ENDOV: variants seen among roughly 807,000 people sequenced by gnomAD.
ENDOV encodes endonuclease V.
A neutral mutation model predicts 39.4 loss-of-function variants in ENDOV; 37 were observed. That is an observed-to-expected ratio of 0.94 (90% CI 0.72 to 1.23). The LOEUF is 1.23. Ranked by LOEUF, ENDOV falls within the 50% of genes most tolerant of loss-of-function variation. The pLI is 0.00. For synonymous variants in ENDOV, 186 were observed against 163.4 expected (o/e 1.14, Z -1.05); for missense variants, 441 against 375.7 (o/e 1.17, Z -1.44).
chr17:80,419,464 G>T, intron 2 of ENDOV: 1 of 645,704 alleles, frequency 1.5e-6, no homozygotes, highest in Non-Finnish European at 2.9e-6. Context: ...CTGAGCGATG[G>T]CTGGTGTGTG....
chr17:80,433,284 G>C (rs560491397), intron 9 of ENDOV: 1 of 511,690 alleles, frequency 2.0e-6, no homozygotes, highest in East Asian at 5.5e-5. Flanking sequence ...ACCAGGTGAA[G>C]TGTGTAAGGG....
At chr17:80,421,350 G>C (rs963444008) in intron 2 of ENDOV, among the ~76,000 whole-genome samples, 1 of 151,262 alleles carries the variant, frequency 6.6e-6, no homozygotes, top group African/African-American at 2.4e-5. Flanking sequence ...GGTCCTGGGG[G>C]CTCCTCATAC....
intron 9 of ENDOV, chr17:80,430,359 A>AT: frequency 6.6e-7 from 1 of 1,524,474 alleles, no homozygotes; most frequent in South Asian, 1.2e-5. Context: ...CTCAGGATTC[A>AT]TTTTTTATTT....
At chr17:80,427,858 G>A (rs1443945687) in intron 7 of ENDOV, 1 of 1,267,890 alleles carries the variant, frequency 7.9e-7, no homozygotes, top group East Asian at 5.7e-5. Context: ...AAGGTGAGAG[G>A]TGCTGGCCCC....
chr17:80,436,221 C>G lies in ENDOV; in HGVS notation c.*78C>G. 1.9e-6 allele frequency: 3 copies of G among 1,555,980 alleles called. No homozygotes were observed. Among genetic ancestry groups the G allele is most frequent in the South Asian group, 2.5e-5 (2 of 81,030 alleles). On this transcript the variant is annotated 3_prime_UTR_variant, in exon 10 of 10. Coordinates refer to ENST00000518137, the MANE Select transcript of ENDOV (RefSeq NM_173627.5). ...TGAGAGCACACGTCCTCGTCTCGTT[C>G]CTGATCGAACGCGGTGGTGAGAGCA...
Position 80,436,433 on chromosome 17 carries a change from C to A in ENDOV, c.*290C>A. On this transcript the variant is annotated 3_prime_UTR_variant, in exon 10 of 10. Transcript: ENST00000518137. ...ATTTTCAAGGATGCTCTTCATCCAGCTGAAGACGGTCCCTTCTAGTCCTAA... is the reference window on the plus strand; with the variant it reads ...ATTTTCAAGGATGCTCTTCATCCAGATGAAGACGGTCCCTTCTAGTCCTAA... 4 of 1,250,660 alleles carry A rather than the reference C, an allele frequency of 3.2e-6. No individual in the cohort carries two copies. Among genetic ancestry groups the A allele is most frequent in the Non-Finnish European group, 4.2e-6 (4 of 948,814 alleles). The allele number at this position is 1,250,660 out of a possible 1,614,324, so 77.5% of individuals were successfully genotyped here.
rs746562980 is a variant in ENDOV, at chr17:80,436,213, G to C, written c.*70G>C. 2 of 1,560,890 alleles carry C rather than the reference G, an allele frequency of 1.3e-6. No homozygotes were observed. The highest frequency in any genetic ancestry group is 1.7e-6 in the Non-Finnish European group (2 of 1,155,532). ...CGCGGTGGTGAGAGCACACGTCCTC[G>C]TCTCGTTCCTGATCGAACGCGGTGG... is the stretch of plus-strand genomic sequence containing the variant. On this transcript the variant is annotated 3_prime_UTR_variant, in exon 10 of 10. Transcript: ENST00000518137.
intron 1 of ENDOV, 140 bp from the exon 2 acceptor site, chr17:80,415,510 G>A (rs2080986510): frequency 8.5e-7 from 1 of 1,182,344 alleles, no homozygotes; most frequent in Non-Finnish European, 1.2e-6. Context: ...AGGGACTGTG[G>A]CCTCGGCGGT....
intron 9 of ENDOV, 124 bp downstream of exon 9, chr17:80,429,955 C>G: frequency 6.4e-7 from 1 of 1,567,604 alleles, no homozygotes; most frequent in Non-Finnish European, 8.6e-7. Context: ...GACAAGAAGG[C>G]CACCGGCCAC....
intron 2 of ENDOV, chr17:80,419,269 G>A: frequency 6.2e-6 from 2 of 323,716 alleles, no homozygotes; most frequent in Non-Finnish European, 1.1e-5. Flanking sequence ...TTTAAAATAA[G>A]CTTTCCTGTG....
At chr17:80,427,762 G>A (rs571125430) in intron 7 of ENDOV, 1 of 1,289,312 alleles carries the variant, frequency 7.8e-7, no homozygotes, top group African/African-American at 1.5e-5. Flanking sequence ...GGGCCGTCTT[G>A]GTGGCCCCAT....
intron 5 of ENDOV, 38 bp from the exon 6 acceptor site, chr17:80,424,994 G>A: frequency 6.4e-7 from 1 of 1,565,910 alleles, no homozygotes; most frequent in Non-Finnish European, 8.8e-7. Flanking sequence ...ACCAAGAAGA[G>A]AGGGGTTTTT....
At chr17:80,415,962 G>T (rs1177307477) in intron 2 of ENDOV, 141 bp downstream of exon 2, 1 of 1,117,354 alleles carries the variant, frequency 8.9e-7, no homozygotes, top group Non-Finnish European at 1.2e-6. Flanking sequence ...AGTTGGCCGG[G>T]CGCGGTGGCT....
intron 2 of ENDOV, among the ~76,000 whole-genome samples, chr17:80,421,532 T>TG: frequency 2.6e-5 from 1 of 38,584 alleles, no homozygotes; most frequent in East Asian, 6.7e-4. Flanking sequence ...GGGGGCGGGG[T>TG]GGGGGTGCTG....
rs757201690 is a variant in ENDOV, at chr17:80,425,521, G to A, written c.615G>A (p.Arg205=). The change falls in exon 7 of 10, where the codon AGG becomes AGA. Residue 205 remains arginine, a synonymous_variant. Transcript: ENST00000518137. ...TGAGGAGCCACGACCGCAGCACCAG[G>A]CCCCTCTACATCTCCGTGGGCCACA... ...MALRSHDRST[R]PLYISVGHRM... is the part of the protein sequence containing the mutation. 3.8e-6 allele frequency: 6 copies of A among 1,598,060 alleles called. No homozygotes were observed. In the African/African-American group the frequency reaches 4.0e-5, roughly 11 times the overall value.
chr17:80,426,910 G>A (rs2082752950), intron 7 of ENDOV, among the ~76,000 whole-genome samples: 1 of 152,244 alleles, frequency 6.6e-6, no homozygotes, highest in Non-Finnish European at 1.5e-5. Context: ...CAGCCCCTGA[G>A]CCTCCCTGGT....
At chr17:80,428,726 G>C in intron 8 of ENDOV, 66 bp downstream of exon 8, 2 of 1,466,760 alleles carry the variant, frequency 1.4e-6, no homozygotes, top group South Asian at 1.2e-5. Context: ...GGCTGTTTCC[G>C]GTGGCTCAGC....
Position 80,436,456 on chromosome 17 carries a change from T to C in ENDOV, c.*313T>C. The C allele has an allele frequency of 9.6e-7, 1 of 1,043,994 alleles. No individual in the cohort carries two copies. The highest frequency in any genetic ancestry group is 1.3e-6 in the Non-Finnish European group (1 of 788,200). 64.7% of individuals were successfully genotyped at this position (1,043,994 alleles called of 1,614,324 possible). On this transcript the variant is annotated 3_prime_UTR_variant, in exon 10 of 10. Coordinates refer to ENST00000518137, the MANE Select transcript of ENDOV (RefSeq NM_173627.5). ...AGCTGAAGACGGTCCCTTCTAGTCCTAATTTGTTAAGTGTTTTTATCCTTA... is the reference window on the plus strand; with the variant it reads ...AGCTGAAGACGGTCCCTTCTAGTCCCAATTTGTTAAGTGTTTTTATCCTTA...
Position 80,415,211 on chromosome 17 carries a change from C to T in ENDOV, c.17C>T (p.Ala6Val), listed in dbSNP as rs1295539603. The T allele has an allele frequency of 1.9e-6, 3 of 1,613,246 alleles. No homozygotes were observed. The highest frequency in any genetic ancestry group is 3.3e-5 in the Admixed American group (2 of 59,998). The change falls in exon 1 of 10, where the codon GCG (alanine) becomes GTG (valine). Residue 6 changes from alanine (A) to valine (V), a missense_variant. Physicochemically the swap from Ala to Val is moderately conservative, Grantham distance 64. Transcript: ENST00000518137. ...GACGAAGCCATGGCCCTGGAGGCGG[C>T]GGGAGGGCCGCCGGAGGAAACGCTG... MALEA[A>V]GGPPEETLSL...
Sources: gnomAD v4.1 joint callset for allele counts (sites outside exome capture counted in the v4.1 genomes callset) on GRCh38, gnomAD v4.1.1 for gene constraint, MANE v1.5 for transcripts, NCBI Gene and HGNC (gene_info 2026-07-23, HGNC 2026-07-21) for gene names.